ADORA2A: variants seen among roughly 807,000 people sequenced by gnomAD.
The protein encoded by ADORA2A is adenosine receptor A2a.
Under a neutral mutation model 18.4 loss-of-function variants are expected in ADORA2A, and 11 were observed. The ratio of observed to expected loss-of-function variants is 0.60; its 90% confidence interval spans 0.38 to 0.99. The LOEUF (loss-of-function observed/expected upper bound fraction) is 0.99, where lower values mean the gene tolerates loss of function less well. Among genes scored for constraint, ADORA2A ranks in the 50% least tolerant of loss-of-function variants. The probability of loss-of-function intolerance (pLI) is 0.01; values close to 1 mark genes in which losing one functional copy is unlikely to be tolerated. For synonymous variants in ADORA2A, 218 were observed against 237.3 expected, an observed-to-expected ratio of 0.92 and a Z score of 0.75; for missense variants, 449 against 556.1, an observed-to-expected ratio of 0.81 and a Z score of 1.94.
intron 2 of ADORA2A, 109 bp downstream of exon 2, chr22:24,433,845 C>CA: frequency 7.6e-7 from 1 of 1,317,114 alleles, no homozygotes; most frequent in South Asian, 1.4e-5. Context: ...GCAGTGTCAG[C>CA]ATGGTGAGCT....
chr22:24,441,143 C>A lies in ADORA2A; in HGVS notation c.893C>A (p.Thr298Asn). Residue 298 changes from threonine (T) to asparagine (N), a missense_variant, in exon 3 of 3, where the codon ACC becomes AAC. Thr to Asn is a moderately conservative substitution (Grantham distance 65). Coordinates refer to ENST00000337539, the MANE Select transcript of ADORA2A (RefSeq NM_000675.6). ...TACCGTATCCGCGAGTTCCGCCAGA[C>A]CTTCCGCAAGATCATTCGCAGCCAC... The part of the protein sequence containing the change: ...YAYRIREFRQ[T>N]FRKIIRSHVL... 6.2e-7 allele frequency: 1 copy of A among 1,614,216 alleles called. No individual in the cohort carries two copies. The highest frequency in any genetic ancestry group is 8.5e-7 in the Non-Finnish European group (1 of 1,180,044).
At chr22:24,435,173 G>C (rs146028638) in intron 2 of ADORA2A, among the ~76,000 whole-genome samples, 1 of 152,234 alleles carries the variant, frequency 6.6e-6, no homozygotes, top group Admixed American at 6.5e-5. Flanking sequence ...AGCCCTGAGA[G>C]GGGTGGAATT....
At chr22:24,440,463 G>A in intron 2 of ADORA2A, 120 bp from the exon 3 acceptor site, 1 of 991,766 alleles carries the variant, frequency 1.0e-6, no homozygotes, top group Non-Finnish European at 1.5e-6. Flanking sequence ...GGCAGGAAAT[G>A]ACTGGTCCAA....
In ADORA2A at chr22:24,441,244, G is replaced by C. The variant is rs199880440; in HGVS notation, c.994G>C (p.Glu332Gln). ...CTTGGCAGCTCATGGCAGTGACGGA[G>C]AGCAGGTCAGCCTCCGTCTCAACGG... is the stretch of plus-strand genomic sequence containing the variant. Reference protein sequence around the residue: ...RVLAAHGSDGEQVSLRLNGHP... With the variant: ...RVLAAHGSDGQQVSLRLNGHP... Residue 332 changes from glutamate to glutamine, a missense_variant, in exon 3 of 3, where the codon GAG becomes CAG. Transcript: ENST00000337539. 3.7e-6 allele frequency: 6 copies of C among 1,613,462 alleles called. No individual in the cohort carries two copies. Among genetic ancestry groups the C allele is most frequent in the Admixed American group, 1.7e-5 (1 of 59,988 alleles).
chr22:24,424,185 C>G (rs555254549), upstream of ADORA2A, among the ~76,000 whole-genome samples: 1,655 of 152,138 alleles, frequency 0.011, 39 homozygotes, highest in African/African-American at 0.038. The surrounding 1 kb of genome is among the most constrained non-coding windows in gnomAD (Gnocchi z 4.9). Context: ...GCTGCCGGCA[C>G]TGCCTGTGAA....
intron 2 of ADORA2A, among the ~76,000 whole-genome samples, chr22:24,434,412 CTT>C (rs1241186098): frequency 6.6e-6 from 1 of 152,210 alleles, no homozygotes; most frequent in Non-Finnish European, 1.5e-5. Flanking sequence ...TATGGTGAAT[CTT>C]TTGTGAAGTG....
At chr22:24,439,982 G>T (rs1055273008) in intron 2 of ADORA2A, among the ~76,000 whole-genome samples, 1 of 152,096 alleles carries the variant, frequency 6.6e-6, no homozygotes, top group Non-Finnish European at 1.5e-5. Context: ...CTCCTCAAGG[G>T]CTTCTGGAGT....
chr22:24,435,627 G>A (rs2043155571), intron 2 of ADORA2A, among the ~76,000 whole-genome samples: 1 of 152,156 alleles, frequency 6.6e-6, no homozygotes, highest in Non-Finnish European at 1.5e-5. Context: ...CCATAAAATA[G>A]GACAAGTCTC....
intron 1 of ADORA2A, chr22:24,431,241 G>A (rs780296946): frequency 2.2e-6 from 1 of 456,824 alleles, no homozygotes; most frequent in South Asian, 1.5e-5. Flanking sequence ...GCCCTCCGTT[G>A]CTGCAGGGTT....
chr22:24,427,746 G>C lies in ADORA2A; in HGVS notation c.-275G>C, dbSNP rs1263506552. ...TGTCAGGTGAAGCCTCGTGTGAGGG[G>C]GTGAGTGGCCCCCAGGCGGGGAGGA... On this transcript the variant is annotated splice_region_variant and 5_prime_UTR_variant, in exon 1 of 3. Transcript: ENST00000337539. The C allele has an allele frequency of 6.6e-6, 1 of 152,390 alleles. No homozygotes were observed. Among genetic ancestry groups the C allele is most frequent in the African/African-American group, 2.4e-5 (1 of 41,450 alleles). 9.4% of individuals were successfully genotyped at this position (152,390 alleles called of 1,614,324 possible). A position where few individuals can be genotyped will look rare whatever the true frequency, so the allele number is the denominator to read the frequency against.
rs746275437 is a variant in ADORA2A at position 24,440,846 on chromosome 22, G to A, written c.596G>A (p.Arg199Gln). 2.0e-5 allele frequency: 32 copies of A among 1,614,038 alleles called. No individual in the cohort carries two copies. Among genetic ancestry groups the A allele is most frequent in the Non-Finnish European group, 2.2e-5 (26 of 1,180,046 alleles). The change falls in exon 3 of 3, where the codon CGG becomes CAG. Residue 199 changes from arginine to glutamine, a missense_variant. Coordinates refer to ENST00000337539, the MANE Select transcript of ADORA2A (RefSeq NM_000675.6). ...PLLLMLGVYL[R>Q]IFLAARRQLK... ...CTGCTCATGCTGGGTGTCTATTTGC[G>A]GATCTTCCTGGCGGCGCGACGACAG...
upstream of ADORA2A, among the ~76,000 whole-genome samples, chr22:24,426,933 G>A (rs535382104): frequency 1.5e-4 from 23 of 152,320 alleles, no homozygotes; most frequent in South Asian, 3.3e-3. Flanking sequence ...CCAACACCCC[G>A]CAGGGGAAGC....
At chr22:24,430,543 G>A (rs372124326) in intron 1 of ADORA2A, among the ~76,000 whole-genome samples, 5 of 152,244 alleles carry the variant, frequency 3.3e-5, no homozygotes, top group African/African-American at 9.6e-5. Context: ...GCCAAACAGA[G>A]GCCCTGGTCA....
At chr22:24,434,056 G>A (rs1384975039) in intron 2 of ADORA2A, among the ~76,000 whole-genome samples, 3 of 152,250 alleles carry the variant, frequency 2.0e-5, no homozygotes, top group Non-Finnish European at 2.9e-5. Flanking sequence ...GCTTAGCAGG[G>A]AGCTGTGGTC....
At position 24,441,302 on chromosome 22, in the gene ADORA2A, C is replaced by CT; in HGVS notation, c.1053dup (p.Pro352SerfsTer4). On this transcript the variant is annotated frameshift_variant, in exon 3 of 3. Transcript: ENST00000337539. LOFTEE classifies it low-confidence loss of function (END_TRUNC). ...CCAGGAGTGTGGGCCAACGGCAGTGCTCCCCACCCTGAGCGGAGGCCCAAT... is the reference window on the plus strand; with the variant it reads ...CCAGGAGTGTGGGCCAACGGCAGTGCTTCCCCACCCTGAGCGGAGGCCCAAT... 6.2e-7 allele frequency: 1 copy of CT among 1,609,510 alleles called. No homozygotes were observed. Among genetic ancestry groups the CT allele is most frequent in the Non-Finnish European group, 8.5e-7 (1 of 1,177,190 alleles).
Position 24,430,423 on chromosome 22 carries a change from G to A in ADORA2A, c.-275+2677G>A, listed in dbSNP as rs3761421. On this transcript the variant is annotated intron_variant, in intron 1 of 2. Transcript: ENST00000337539. The stretch of plus-strand genomic sequence containing the variant: ...AAGGTGGCTTCAGTATAGTCAAGAA[G>A]GTTATCGGTATCTAGTGCTGTTTAG... 6.5e-5 allele frequency: 10 copies of A among 153,490 alleles called. No individual in the cohort carries two copies. The East Asian group carries it at 1.5e-3, about 24-fold the overall frequency. The allele number at this position is 153,490 out of a possible 1,614,324, so 9.5% of individuals were successfully genotyped here.
chr22:24,433,633 T>C lies in ADORA2A; in HGVS notation c.229T>C (p.Cys77Arg). The C allele has an allele frequency of 6.2e-7, 1 of 1,613,846 alleles. No individual in the cohort carries two copies. Among genetic ancestry groups the C allele is most frequent in the Non-Finnish European group, 8.5e-7 (1 of 1,180,038 alleles). ...STGFCAACHG[C>R]LFIACFVLVL... Reference sequence around the variant, plus strand: ...CGGGTTCTGCGCTGCCTGCCACGGCTGCCTCTTCATTGCCTGCTTCGTCCT... The same window carrying C: ...CGGGTTCTGCGCTGCCTGCCACGGCCGCCTCTTCATTGCCTGCTTCGTCCT... The change falls in exon 2 of 3, where the codon TGC becomes CGC. Residue 77 changes from cysteine (C) to arginine (R), a missense_variant. Transcript: ENST00000337539.
chr22:24,425,728 C>G (rs897685286), upstream of ADORA2A, among the ~76,000 whole-genome samples: 2 of 152,218 alleles, frequency 1.3e-5, no homozygotes, highest in African/African-American at 2.4e-5. Flanking sequence ...GGAGGGCAAT[C>G]AATGGCAATG....
chr22:24,423,880 G>A (rs2042887009), upstream of ADORA2A: 1 of 152,088 alleles, frequency 6.6e-6, no homozygotes, highest in African/African-American at 2.4e-5. Flanking sequence ...TGCCTGCAGG[G>A]GGCGCCCGTG....
Sources: allele counts gnomAD v4.1 joint callset (sites outside exome capture counted in the v4.1 genomes callset), GRCh38; gene constraint gnomAD v4.1.1; non-coding constraint Gnocchi (gnomAD v3.1); transcripts MANE v1.5; gene names NCBI Gene and HGNC (gene_info 2026-07-23, HGNC 2026-07-21).